Variants in ADARB2 observed in about 807,000 individuals in gnomAD.
ADARB2 encodes the protein inactive double-stranded RNA-specific editase B2.
A neutral mutation model predicts 62.2 loss-of-function variants in ADARB2; 25 were observed. The observed-to-expected ratio is 0.40, with a 90% CI of 0.29 to 0.56. The LOEUF (loss-of-function observed/expected upper bound fraction) is 0.56. Ranked by LOEUF, ADARB2 falls within the 20% of genes least tolerant of loss-of-function variation. ADARB2 has a pLI of 0.43. For missense variants in ADARB2, 1,071 were observed against 1,077.4 expected (o/e 0.99, Z 0.08); for synonymous variants, 572 against 500.8 (o/e 1.14, Z -1.90).
chr10:1,580,748 C>T (rs1350698288), intron 1 of ADARB2, among the ~76,000 whole-genome samples: 1 of 152,160 alleles, frequency 6.6e-6, no homozygotes, highest in Non-Finnish European at 1.5e-5. Flanking sequence ...ATCCGCCATG[C>T]TCCTTCTGTT....
chr10:1,488,886 C>G (rs1231254196), intron 1 of ADARB2, among the ~76,000 whole-genome samples: 1 of 152,170 alleles, frequency 6.6e-6, no homozygotes, highest in Admixed American at 6.5e-5. Flanking sequence ...GTCAGCAAAC[C>G]AGGATGAGAT....
rs370953086 is a variant in ADARB2, at chr10:1,295,442, A to C, written c.1078-24373T>G. Among the ~76,000 whole-genome samples the C allele has an allele frequency of 3.9e-5, 6 of 152,230 alleles. No individual in the cohort carries two copies. In the East Asian group the frequency reaches 5.8e-4, roughly 15 times the overall value. ...CATTTAGGTGATAATCAGATAGAAC[A>C]TAACAATTTCACCAGGAAATGTTGG... On this transcript the variant is annotated intron_variant, in intron 3 of 9. Coordinates refer to ENST00000381312, the MANE Select transcript of ADARB2 (RefSeq NM_018702.4).
At chr10:1,351,280 A>ACT (rs369382651) in intron 3 of ADARB2, among the ~76,000 whole-genome samples, 2 of 152,090 alleles carry the variant, frequency 1.3e-5, no homozygotes, top group Admixed American at 6.5e-5. Flanking sequence ...GCTTCGGGTA[A>ACT]CTCACAGTGG....
At chr10:1,498,158 G>A (rs1329315464) in intron 1 of ADARB2, among the ~76,000 whole-genome samples, 1 of 151,814 alleles carries the variant, frequency 6.6e-6, no homozygotes, top group Non-Finnish European at 1.5e-5. Flanking sequence ...GGATCACCTG[G>A]GGTCAGGAGT....
chr10:1,368,031 A>C (rs1162279937), intron 2 of ADARB2, among the ~76,000 whole-genome samples: 1 of 151,992 alleles, frequency 6.6e-6, no homozygotes, highest in Non-Finnish European at 1.5e-5. Flanking sequence ...ATATCACCTG[A>C]TTAGGGTTTG....
chr10:1,597,416 A>G (rs909590833), intron 1 of ADARB2, among the ~76,000 whole-genome samples: 1 of 152,146 alleles, frequency 6.6e-6, no homozygotes, highest in Non-Finnish European at 1.5e-5. Context: ...AGCTCAAACA[A>G]CTCAACAGAA....
chr10:1,523,381 C>T (rs112417917), intron 1 of ADARB2, among the ~76,000 whole-genome samples: 10 of 152,284 alleles, frequency 6.6e-5, no homozygotes, highest in African/African-American at 2.2e-4. Flanking sequence ...GGAGGTGGCT[C>T]GGTTACAGGG....
chr10:1,367,932 G>A (rs1832327504), intron 2 of ADARB2, among the ~76,000 whole-genome samples: 1 of 152,242 alleles, frequency 6.6e-6, no homozygotes, highest in Non-Finnish European at 1.5e-5. Context: ...TGTGGTATAA[G>A]AGCCTCTTTC....
At chr10:1,697,514 T>G (rs1188734928) in intron 1 of ADARB2, among the ~76,000 whole-genome samples, 2 of 151,594 alleles carry the variant, frequency 1.3e-5, no homozygotes, top group African/African-American at 4.9e-5. Flanking sequence ...AGGAAGACAT[T>G]GAGAAAGTGA....
intron 3 of ADARB2, among the ~76,000 whole-genome samples, chr10:1,302,438 G>A (rs947240549): frequency 6.6e-6 from 1 of 152,244 alleles, no homozygotes; most frequent in Non-Finnish European, 1.5e-5. Flanking sequence ...CAAGGCGGCA[G>A]CGAGCCTGGG....
chr10:1,639,137 G>A (rs1201603418), intron 1 of ADARB2, among the ~76,000 whole-genome samples: 1 of 152,244 alleles, frequency 6.6e-6, no homozygotes, highest in Non-Finnish European at 1.5e-5. Flanking sequence ...GAGGGCCATG[G>A]TCCCATGGGC....
intron 3 of ADARB2, chr10:1,292,555 C>T (rs539781640): frequency 6.0e-4 from 92 of 152,302 alleles, no homozygotes; most frequent in African/African-American, 2.0e-3. Flanking sequence ...ATCAAAATGT[C>T]TGTATCACTC....
chr10:1,714,876 A>G (rs1202836232), intron 1 of ADARB2, among the ~76,000 whole-genome samples: 1 of 152,180 alleles, frequency 6.6e-6, no homozygotes, highest in Non-Finnish European at 1.5e-5. Flanking sequence ...TTATACTTTA[A>G]GTTTTAGGGT....
Position 1,664,542 on chromosome 10 carries a change from G to C in ADARB2, c.100+72509C>G, listed in dbSNP as rs368673129. Among the ~76,000 whole-genome samples the C allele has an allele frequency of 1.3e-4, 20 of 152,302 alleles. No individual in the cohort carries two copies. The South Asian group carries it at 2.7e-3, about 21-fold the overall frequency. Reference sequence around the variant, plus strand: ...CACGGTCCAGAGAAATGCATTTCACGAATGGCCTTTAGCAGTTGGTAAGAA... The same window carrying C: ...CACGGTCCAGAGAAATGCATTTCACCAATGGCCTTTAGCAGTTGGTAAGAA... On this transcript the variant is annotated intron_variant, in intron 1 of 9. Transcript: ENST00000381312.
rs963138110 is a variant in ADARB2 at position 1,256,000 on chromosome 10, G to A, written c.1193-13701C>T. Among the ~76,000 whole-genome samples the A allele has an allele frequency of 6.6e-6, 1 of 152,202 alleles. No homozygotes were observed. Among genetic ancestry groups the A allele is most frequent in the African/African-American group, 2.4e-5 (1 of 41,434 alleles). ...GACTTTTCCAAAGTATACTTGCGGG[G>A]CATGAGAATGGACAGGCAGATGCAG... On this transcript the variant is annotated intron_variant, in intron 4 of 9. Transcript: ENST00000381312. The surrounding 1 kb of genome is among the most constrained non-coding windows in gnomAD (Gnocchi z 4.7).
At chr10:1,628,293 G>C (rs1481062314) in intron 1 of ADARB2, among the ~76,000 whole-genome samples, 2 of 152,202 alleles carry the variant, frequency 1.3e-5, no homozygotes, top group African/African-American at 4.8e-5. Flanking sequence ...GCTAGCCGTG[G>C]GTAGTGCCTG....
chr10:1,521,646 C>T (rs1375669981), intron 1 of ADARB2, among the ~76,000 whole-genome samples: 1 of 152,054 alleles, frequency 6.6e-6, no homozygotes, highest in African/African-American at 2.4e-5. Context: ...GATAAAACTT[C>T]GATCTCCACC....
In ADARB2 at chr10:1,529,338, A is replaced by G. The variant is rs2131957652; in HGVS notation, c.101-150178T>C. 1.3e-5 allele frequency among the ~76,000 whole-genome samples: 2 copies of G among 151,906 alleles called. 1 individual carries two copies. The highest frequency in any genetic ancestry group is 2.9e-5 in the Non-Finnish European group (2 of 67,938). ...TCCAATAAGTCCATGCACCATCCCCAACACAAATCCTCCAATCAGTCCATG... is the reference window on the plus strand; with the variant it reads ...TCCAATAAGTCCATGCACCATCCCCGACACAAATCCTCCAATCAGTCCATG... On this transcript the variant is annotated intron_variant, in intron 1 of 9. Transcript: ENST00000381312.
At chr10:1,384,104 G>A (rs1832506477) in intron 1 of ADARB2, among the ~76,000 whole-genome samples, 2 of 152,238 alleles carry the variant, frequency 1.3e-5, no homozygotes, top group African/African-American at 4.8e-5. Context: ...AGAAAAATCA[G>A]ATGGACTCTC....
Sources: gnomAD v4.1 joint callset for allele counts (sites outside exome capture counted in the v4.1 genomes callset) on GRCh38, gnomAD v4.1.1 for gene constraint, Gnocchi (gnomAD v3.1) non-coding constraint, MANE v1.5 for transcripts, NCBI Gene and HGNC (gene_info 2026-07-23, HGNC 2026-07-21) for gene names.